The following KIR2DL1 variants were observed in gnomAD, a reference collection of about 807,000 sequenced individuals.
KIR2DL1 encodes killer cell immunoglobulin-like receptor 2DL1.
A neutral mutation model predicts 33.9 loss-of-function variants in KIR2DL1; 38 were observed. The observed-to-expected ratio is 1.12, with a 90% CI of 0.86 to 1.47. The LOEUF (loss-of-function observed/expected upper bound fraction) is 1.47. Among genes scored for constraint, KIR2DL1 ranks in the 40% most tolerant of loss-of-function variants. The probability of loss-of-function intolerance (pLI) is 0.00; values close to 1 mark genes in which losing one functional copy is unlikely to be tolerated. For synonymous variants in KIR2DL1, 179 were observed against 165.9 expected, an observed-to-expected ratio of 1.08 and a Z score of -0.61; for missense variants, 531 against 433.9, an observed-to-expected ratio of 1.22 and a Z score of -1.99.
chr19:54,771,927 C>T (rs1161698924), intron 2 of KIR2DL1, among the ~76,000 whole-genome samples: 1 of 147,644 alleles, frequency 6.8e-6, no homozygotes, highest in Non-Finnish European at 1.5e-5. Context: ...TCTCCTTGTC[C>T]CACCTCCTGA....
chr19:54,770,210 C>G (rs2075513225), intron 1 of KIR2DL1, among the ~76,000 whole-genome samples: 1 of 139,438 alleles, frequency 7.2e-6, no homozygotes, highest in Non-Finnish European at 1.6e-5. Context: ...AGTCATGGGC[C>G]TGGAGGTGGA....
At chr19:54,774,753 G>T (rs1234663467) in intron 3 of KIR2DL1, among the ~76,000 whole-genome samples, 3 of 147,982 alleles carry the variant, frequency 2.0e-5, no homozygotes, top group Admixed American at 6.8e-5. Context: ...ATAAATAGAT[G>T]ATATATAGAT....
Position 54,783,021 on chromosome 19 carries a change from A to G in KIR2DL1, c.815A>G (p.Lys272Arg). 6.2e-7 allele frequency: 1 copy of G among 1,613,430 alleles called. No homozygotes were observed. Residue 272 changes from lysine (K) to arginine (R), a missense_variant and splice_region_variant, in exon 6 of 8, where the codon AAA becomes AGA. Coordinates refer to ENST00000336077, the MANE Select transcript of KIR2DL1 (RefSeq NM_014218.3). ...CTTCATCGCTGGTGCTCCAACAAAA[A>G]AAGTAAGTCTCACGAAGCAGAGGCC... ...FLLHRWCSNK[K>R]NAAVMDQESA...
At chr19:54,772,559 G>A (rs2075861354) in intron 2 of KIR2DL1, among the ~76,000 whole-genome samples, 1 of 145,786 alleles carries the variant, frequency 6.9e-6, no homozygotes, top group Admixed American at 7.0e-5. Context: ...CACAAGGATA[G>A]CCAGGCATGG....
chr19:54,783,545 A>G lies in KIR2DL1; in HGVS notation c.870+7A>G, dbSNP rs372308714. On this transcript the variant is annotated splice_region_variant and intron_variant, in intron 7 of 7. Transcript: ENST00000336077. Reference sequence around the variant, plus strand: ...CAGAACAGCGAATAGCGAGGTAGGTACTCCTCGGCCCGGGCTCGTGGCTAC... The same window carrying G: ...CAGAACAGCGAATAGCGAGGTAGGTGCTCCTCGGCCCGGGCTCGTGGCTAC... 6.8e-4 allele frequency: 1,102 copies of G among 1,612,928 alleles called. No individual in the cohort carries two copies. In the African/African-American group the frequency reaches 0.012, roughly 18 times the overall value.
At chr19:54,775,731 GGA>G (rs1187938015) in intron 4 of KIR2DL1, among the ~76,000 whole-genome samples, 1 of 148,658 alleles carries the variant, frequency 6.7e-6, no homozygotes, top group African/African-American at 2.5e-5. Context: ...CTCAGTTTGG[GGA>G]GATCAGAGGT....
At chr19:54,770,002 TG>T in intron 1 of KIR2DL1, 118 bp downstream of exon 1, 1 of 1,108,856 alleles carries the variant, frequency 9.0e-7, no homozygotes. Flanking sequence ...GGGCCTGGAG[TG>T]GATATATGGG....
intron 2 of KIR2DL1, among the ~76,000 whole-genome samples, chr19:54,772,708 AAATT>A (rs752032860): frequency 0.048 from 5,563 of 116,116 alleles, no homozygotes; most frequent in Middle Eastern, 0.1. Context: ...TCTGTCGCCA[AAATT>A]AATTAATTAA....
intron 6 of KIR2DL1, 129 bp downstream of exon 6, chr19:54,783,152 T>A (rs1398280136): frequency 8.1e-6 from 9 of 1,105,860 alleles, no homozygotes; most frequent in East Asian, 2.5e-5. Context: ...GAGGCAGGAC[T>A]TTCTAGAGAG....
chr19:54,776,890 CCTCAGT>C (rs1414769409), intron 4 of KIR2DL1, among the ~76,000 whole-genome samples: 5 of 148,146 alleles, frequency 3.4e-5, no homozygotes, highest in African/African-American at 1.2e-4. Flanking sequence ...GAGGTGCCCG[CCTCAGT>C]CTCCCAAAGT....
chr19:54,773,586 C>G lies in KIR2DL1; in HGVS notation c.324C>G (p.Pro108=), dbSNP rs542846373. 6.3e-7 allele frequency: 1 copy of G among 1,580,458 alleles called. No homozygotes were observed. Among genetic ancestry groups the G allele is most frequent in the South Asian group, 1.1e-5 (1 of 90,184 alleles). The change falls in exon 3 of 8, where the codon CCC becomes CCG. Residue 108 remains proline, a synonymous_variant. Transcript: ENST00000336077. ...YRCYGSVTHS[P]YQVSAPSDPL... ...GCTACGGTTCTGTTACTCACTCCCC[C>G]TATCAGGTGTCAGCTCCCAGTGACC... is the stretch of plus-strand genomic sequence containing the variant.
rs2076948635 is a variant in KIR2DL1, at chr19:54,781,562, A to C, written c.716-1360A>C. Among the ~76,000 whole-genome samples, 10 of 151,018 alleles carry C rather than the reference A, an allele frequency of 6.6e-5. No homozygotes were observed. In the South Asian group the frequency reaches 2.1e-3, roughly 32 times the overall value. ...AGTCCAGATCTTGGAATCAGAGATC[A>C]GCGACAGCACTAGCTCCTGCTCCCC... is the stretch of plus-strand genomic sequence containing the variant. On this transcript the variant is annotated intron_variant, in intron 5 of 7. Coordinates refer to ENST00000336077, the MANE Select transcript of KIR2DL1 (RefSeq NM_014218.3).
intron 5 of KIR2DL1, 25 bp from the exon 6 acceptor site, chr19:54,782,897 T>A (rs2147657135): frequency 1.2e-6 from 2 of 1,604,218 alleles, no homozygotes; most frequent in East Asian, 2.2e-5. Context: ...GATTAGCTTC[T>A]TATTGGTGTC....
At chr19:54,778,048 G>A (rs1157272594) in intron 4 of KIR2DL1, among the ~76,000 whole-genome samples, 1 of 147,458 alleles carries the variant, frequency 6.8e-6, no homozygotes, top group Non-Finnish European at 1.5e-5. Flanking sequence ...ATCACCTGAG[G>A]CCAGGAGTTC....
At position 54,769,824 on chromosome 19, in the gene KIR2DL1, C is replaced by G. The variant is rs201795960; in HGVS notation, c.-27C>G. The G allele has an allele frequency of 3.2e-6, 5 of 1,566,136 alleles. 1 individual carries two copies. The highest frequency in any genetic ancestry group is 3.5e-5 in the Admixed American group (2 of 57,760). On this transcript the variant is annotated 5_prime_UTR_variant, in exon 1 of 8. Coordinates refer to ENST00000336077, the MANE Select transcript of KIR2DL1 (RefSeq NM_014218.3). ...TGCGCTGCTGAGCTGAGCTCGGTCGCGGCTGCCTGTCTGCTCCGGCAGCAC... is the reference window on the plus strand; with the variant it reads ...TGCGCTGCTGAGCTGAGCTCGGTCGGGGCTGCCTGTCTGCTCCGGCAGCAC...
intron 6 of KIR2DL1, among the ~76,000 whole-genome samples, 179 bp from the exon 7 acceptor site, chr19:54,783,307 A>C (rs113202545): frequency 2.0e-5 from 3 of 151,878 alleles, no homozygotes; most frequent in Admixed American, 6.6e-5. Context: ...TGGGATGGGA[A>C]CTCAGAGCTA....
In KIR2DL1 at chr19:54,775,193, C is replaced by T. The variant is rs1297032829; in HGVS notation, c.399C>T (p.Ala133=). Residue 133 remains alanine (A), a synonymous_variant, in exon 4 of 8, where the codon GCC becomes GCT. Coordinates refer to ENST00000336077, the MANE Select transcript of KIR2DL1 (RefSeq NM_014218.3). ...TATATGAGAAACCTTCTCTCTCAGC[C>T]CAGCTGGGCCCCACGGTTCTGGCAG... The part of the protein sequence containing the change: ...IGLYEKPSLS[A]QLGPTVLAGE... 9 of 1,589,940 alleles carry T rather than the reference C, an allele frequency of 5.7e-6. No individual in the cohort carries two copies. The highest frequency in any genetic ancestry group is 6.9e-6 in the Non-Finnish European group (8 of 1,163,270).
At chr19:54,779,110 C>G (rs2076681888) in intron 5 of KIR2DL1, among the ~76,000 whole-genome samples, 1 of 148,058 alleles carries the variant, frequency 6.8e-6, no homozygotes, top group Non-Finnish European at 1.5e-5. Flanking sequence ...CTTGCCGTAA[C>G]AGAGAACAGA....
In KIR2DL1 at chr19:54,783,770, T is replaced by A; in HGVS notation, c.1004T>A (p.Leu335His). 1 of 1,613,982 alleles carries A rather than the reference T, an allele frequency of 6.2e-7. No individual in the cohort carries two copies. Among genetic ancestry groups the A allele is most frequent in the Non-Finnish European group, 8.5e-7 (1 of 1,179,964 alleles). Residue 335 changes from leucine to histidine, a missense_variant, in exon 8 of 8, where the codon CTT becomes CAT. Coordinates refer to ENST00000336077, the MANE Select transcript of KIR2DL1 (RefSeq NM_014218.3). The stretch of plus-strand genomic sequence containing the variant: ...ACAGATATCATCGTGTACACGGAAC[T>A]TCCAAATGCTGAGTCCAGATCCAAA... The part of the protein sequence containing the change: ...PPTDIIVYTE[L>H]PNAESRSKVV...
Sources: gnomAD v4.1 joint callset for allele counts (sites outside exome capture counted in the v4.1 genomes callset) on GRCh38, gnomAD v4.1.1 for gene constraint, MANE v1.5 for transcripts, NCBI Gene and HGNC (gene_info 2026-07-23, HGNC 2026-07-21) for gene names.